Variants in SLC9A4 observed in about 807,000 individuals in gnomAD.
SLC9A4 encodes the protein sodium/hydrogen exchanger 4.
A neutral mutation model predicts 67.4 loss-of-function variants in SLC9A4; 63 were observed. The ratio of observed to expected loss-of-function variants is 0.93; its 90% CI spans 0.76 to 1.15. SLC9A4 has a LOEUF of 1.15. Ranked by LOEUF, SLC9A4 falls within the 50% of genes most tolerant of loss-of-function variation. The pLI is 0.00. For missense variants in SLC9A4, 1,089 were observed against 987.7 expected, an observed-to-expected ratio of 1.10 and a Z score of -1.38; for synonymous variants, 393 against 367.2, an observed-to-expected ratio of 1.07 and a Z score of -0.80.
chr2:102,519,130 G>C (rs985457448), intron 8 of SLC9A4, among the ~76,000 whole-genome samples: 1 of 152,148 alleles, frequency 6.6e-6, no homozygotes, highest in African/African-American at 2.4e-5. Context: ...CTACTAACCT[G>C]GGCACAGGCA....
Position 102,503,610 on chromosome 2 carries a change from A to G in SLC9A4, c.883A>G (p.Thr295Ala), listed in dbSNP as rs1462398275. ...GFISAFITRF[T>A]QNISAIEPLI... The stretch of plus-strand genomic sequence containing the variant: ...TATTTCTGCATTTATCACACGTTTC[A>G]CTCAGAATATCTCTGCAATTGAGCC... Residue 295 changes from threonine to alanine, a missense_variant, in exon 3 of 12, where the codon ACT becomes GCT. Coordinates refer to ENST00000295269, the MANE Select transcript of SLC9A4 (RefSeq NM_001011552.4). 1 of 1,613,920 alleles carries G rather than the reference A, an allele frequency of 6.2e-7. No individual in the cohort carries two copies. The highest frequency in any genetic ancestry group is 1.3e-5 in the African/African-American group (1 of 74,840).
intron 2 of SLC9A4, among the ~76,000 whole-genome samples, chr2:102,487,311 G>A (rs1007807201): frequency 5.3e-5 from 8 of 152,136 alleles, no homozygotes; most frequent in African/African-American, 1.9e-4. Flanking sequence ...GGGGAGGTGG[G>A]AGGACCTGGG....
At chr2:102,507,763 T>G (rs1482318164) in intron 4 of SLC9A4, among the ~76,000 whole-genome samples, 1 of 152,154 alleles carries the variant, frequency 6.6e-6, no homozygotes, top group Non-Finnish European at 1.5e-5. Context: ...ACAAAAATTA[T>G]GAATATAGAT....
intron 2 of SLC9A4, among the ~76,000 whole-genome samples, chr2:102,499,056 T>C (rs1433878067): frequency 2.6e-5 from 4 of 152,182 alleles, no homozygotes; most frequent in Non-Finnish European, 4.4e-5. Flanking sequence ...GATGGGACTG[T>C]CTTTGCTGCA....
intron 8 of SLC9A4, among the ~76,000 whole-genome samples, chr2:102,517,295 C>T (rs1033273440): frequency 1.3e-5 from 2 of 152,168 alleles, no homozygotes; most frequent in African/African-American, 4.8e-5. Flanking sequence ...ACAGACTTCA[C>T]ATCTTAGCTG....
intron 2 of SLC9A4, among the ~76,000 whole-genome samples, chr2:102,501,609 A>AG (rs1684942919): frequency 6.6e-6 from 1 of 152,032 alleles, no homozygotes; most frequent in Non-Finnish European, 1.5e-5. Context: ...GGGCTTACAG[A>AG]GGACCTGGAG....
At chr2:102,501,981 C>G (rs184887862) in intron 2 of SLC9A4, among the ~76,000 whole-genome samples, 93 of 152,214 alleles carry the variant, frequency 6.1e-4, no homozygotes, top group African/African-American at 2.1e-3. Context: ...AAGGTCCACA[C>G]AGTCCATCTA....
chr2:102,519,052 G>A (rs961177140), intron 8 of SLC9A4, among the ~76,000 whole-genome samples: 11 of 152,092 alleles, frequency 7.2e-5, no homozygotes, highest in East Asian at 1.9e-4. Context: ...AAATACATTT[G>A]TCACATGATC....
chr2:102,473,754 A>G lies in SLC9A4; in HGVS notation c.-6A>G, dbSNP rs777980900. Reference sequence around the variant, plus strand: ...ACAGGGGTGTAGGTAGGAGAAGCCCACAGGAATGGCTCTGCAGATGTTCGT... The same window carrying G: ...ACAGGGGTGTAGGTAGGAGAAGCCCGCAGGAATGGCTCTGCAGATGTTCGT... On this transcript the variant is annotated 5_prime_UTR_variant, in exon 1 of 12. Coordinates refer to ENST00000295269, the MANE Select transcript of SLC9A4 (RefSeq NM_001011552.4). 7 of 1,613,416 alleles carry G rather than the reference A, an allele frequency of 4.3e-6. No individual in the cohort carries two copies. Among genetic ancestry groups the G allele is most frequent in the South Asian group, 3.3e-5 (3 of 91,060 alleles).
In SLC9A4 at chr2:102,479,136, C is replaced by T. The variant is rs1235225545; in HGVS notation, c.554C>T (p.Ala185Val). ...LSLYLICQVK[A>V]FGLGDVNLLQ... ...CTCTACCTCATCTGCCAGGTGAAGG[C>T]CTTTGGCCTGGGCGACGTCAACCTG... Residue 185 changes from alanine (A) to valine (V), a missense_variant, in exon 2 of 12, where the codon GCC (alanine) becomes GTC (valine). Coordinates refer to ENST00000295269, the MANE Select transcript of SLC9A4 (RefSeq NM_001011552.4). 1 of 1,614,160 alleles carries T rather than the reference C, an allele frequency of 6.2e-7. No individual in the cohort carries two copies. Among genetic ancestry groups the T allele is most frequent in the Non-Finnish European group, 8.5e-7 (1 of 1,180,004 alleles).
chr2:102,494,563 C>T (rs562211526), intron 2 of SLC9A4, among the ~76,000 whole-genome samples: 20 of 152,024 alleles, frequency 1.3e-4, no homozygotes, highest in East Asian at 9.6e-4. Context: ...GATTATAAAG[C>T]GGGGCTCAAA....
In SLC9A4 at chr2:102,514,132, C is replaced by A; in HGVS notation, c.1602C>A (p.Ile534=). 6.2e-7 allele frequency: 1 copy of A among 1,613,346 alleles called. No homozygotes were observed. The highest frequency in any genetic ancestry group is 8.5e-7 in the Non-Finnish European group (1 of 1,179,828). Residue 534 remains isoleucine, a synonymous_variant, in exon 8 of 12, where the codon ATC becomes ATA. Coordinates refer to ENST00000295269, the MANE Select transcript of SLC9A4 (RefSeq NM_001011552.4). Reference sequence around the variant, plus strand: ...ATAGATACTTACGGAAAATCCTCATCAGAAAGAACCTACCCAAATCAAGCA... The same window carrying A: ...ATAGATACTTACGGAAAATCCTCATAAGAAAGAACCTACCCAAATCAAGCA... ...FDHRYLRKIL[I]RKNLPKSSIV...
At position 102,508,159 on chromosome 2, in the gene SLC9A4, A is replaced by G; in HGVS notation, c.1279A>G (p.Ser427Gly). Residue 427 changes from serine to glycine, a missense_variant, in exon 5 of 12, where the codon AGT becomes GGT. Ser to Gly is a moderately conservative substitution (Grantham distance 56). Coordinates refer to ENST00000295269, the MANE Select transcript of SLC9A4 (RefSeq NM_001011552.4). Reference protein sequence around the residue: ...SIKDQCIIFYSGVRGAGSFSL... With the variant: ...SIKDQCIIFYGGVRGAGSFSL... ...CAAGGACCAGTGCATCATTTTCTACAGTGGTGTTCGAGGAGCTGGAAGTTT... is the reference window on the plus strand; with the variant it reads ...CAAGGACCAGTGCATCATTTTCTACGGTGGTGTTCGAGGAGCTGGAAGTTT... The G allele has an allele frequency of 6.2e-7, 1 of 1,614,112 alleles. No individual in the cohort carries two copies. Among genetic ancestry groups the G allele is most frequent in the South Asian group, 1.1e-5 (1 of 91,092 alleles).
intron 10 of SLC9A4, among the ~76,000 whole-genome samples, chr2:102,525,434 C>A (rs1414141850): frequency 6.6e-6 from 1 of 151,390 alleles, no homozygotes; most frequent in East Asian, 2.0e-4. Flanking sequence ...CAGACACAGA[C>A]CTTATGGTGA....
At chr2:102,499,719 C>T (rs1175892185) in intron 2 of SLC9A4, among the ~76,000 whole-genome samples, 1 of 152,194 alleles carries the variant, frequency 6.6e-6, no homozygotes, top group African/African-American at 2.4e-5. Flanking sequence ...GGGAAGAAGG[C>T]AAGCCTATTA....
chr2:102,531,062 CTTT>C (rs5833023), intron 11 of SLC9A4, among the ~76,000 whole-genome samples: 5 of 116,282 alleles, frequency 4.3e-5, no homozygotes, highest in Non-Finnish European at 5.0e-5. Context: ...TACCTAAATT[CTTT>C]TTTTTTTTTT....
intron 2 of SLC9A4, among the ~76,000 whole-genome samples, chr2:102,491,897 T>TGGG (rs1041902262): frequency 1.3e-5 from 2 of 151,908 alleles, no homozygotes; most frequent in African/African-American, 4.8e-5. Context: ...CTAGATACAG[T>TGGG]GGGGGTAAAG....
intron 2 of SLC9A4, among the ~76,000 whole-genome samples, chr2:102,502,339 G>A (rs919337320): frequency 6.6e-6 from 1 of 152,186 alleles, no homozygotes; most frequent in Admixed American, 6.5e-5. Flanking sequence ...AAAATTCAGA[G>A]TGTGTGTCAC....
At chr2:102,502,171 T>C (rs1170806046) in intron 2 of SLC9A4, among the ~76,000 whole-genome samples, 1 of 152,204 alleles carries the variant, frequency 6.6e-6, no homozygotes, top group African/African-American at 2.4e-5. Context: ...TCTGCAGAGA[T>C]CTTCGTTCAG....
Sources: gnomAD v4.1 joint callset for allele counts (sites outside exome capture counted in the v4.1 genomes callset) on GRCh38, gnomAD v4.1.1 for gene constraint, MANE v1.5 for transcripts, NCBI Gene and HGNC (gene_info 2026-07-23, HGNC 2026-07-21) for gene names.